The following LAMC3 variants were observed in gnomAD, a reference collection of about 807,000 sequenced individuals.
The protein encoded by LAMC3 is laminin subunit gamma-3.
Under a neutral mutation model 173.8 loss-of-function variants are expected in LAMC3, and 128 were observed. That is an observed-to-expected ratio of 0.74 (90% CI 0.64 to 0.85). LAMC3 has a LOEUF of 0.85. Ranked by LOEUF, LAMC3 falls within the 40% of genes least tolerant of loss-of-function variation. The probability of loss-of-function intolerance (pLI) is 0.00; values close to 1 mark genes in which losing one functional copy is unlikely to be tolerated. For missense variants in LAMC3, 2,022 were observed against 2,156.0 expected, an observed-to-expected ratio of 0.94 and a Z score of 1.23; for synonymous variants, 897 against 909.1, an observed-to-expected ratio of 0.99 and a Z score of 0.24.
At chr9:131,044,427 T>G (rs1241636901) in intron 7 of LAMC3, among the ~76,000 whole-genome samples, 3 of 152,052 alleles carry the variant, frequency 2.0e-5, no homozygotes, top group African/African-American at 7.2e-5. Flanking sequence ...GGACAATTGT[T>G]TGAACCCGGG....
intron 7 of LAMC3, among the ~76,000 whole-genome samples, chr9:131,043,636 T>C (rs1834096316): frequency 1.3e-5 from 2 of 152,114 alleles, no homozygotes; most frequent in Admixed American, 6.6e-5. Context: ...TGTAAATAGA[T>C]GATTGAATAC....
Position 131,049,043 on chromosome 9 carries a change from AG to A in LAMC3, c.1544del (p.Ser515MetfsTer18). 6.4e-7 allele frequency: 1 copy of A among 1,551,330 alleles called. No homozygotes were observed. Among genetic ancestry groups the A allele is most frequent in the Non-Finnish European group, 8.7e-7 (1 of 1,146,796 alleles). Reference protein sequence around the residue: ...HQGAEGWWARSVGGSEHPPQW... With the variant: ...HQGAEGWWARXVGGSEHPPQW... ...AGGAGCCGAAGGCTGGTGGGCCAGAAGTGTGGGGGGCTCTGAGCACCCCCCA... is the reference window on the plus strand; with the variant it reads ...AGGAGCCGAAGGCTGGTGGGCCAGAATGTGGGGGGCTCTGAGCACCCCCCA... On this transcript the variant is annotated frameshift_variant, in exon 9 of 28. Transcript: ENST00000361069. LOFTEE classifies it high-confidence loss of function.
At chr9:131,086,932 C>T (rs932267587) in intron 25 of LAMC3, among the ~76,000 whole-genome samples, 1 of 151,960 alleles carries the variant, frequency 6.6e-6, no homozygotes, top group Admixed American at 6.6e-5. Flanking sequence ...ACTATGTTGC[C>T]CAGGCTGGTC....
chr9:131,037,993 C>A (rs1336390234), intron 4 of LAMC3, among the ~76,000 whole-genome samples: 2 of 152,228 alleles, frequency 1.3e-5, no homozygotes, highest in African/African-American at 2.4e-5. Context: ...TGCCATCACA[C>A]GACATGCCGT....
At chr9:131,024,589 C>T (rs750589493) in intron 1 of LAMC3, among the ~76,000 whole-genome samples, 5 of 152,074 alleles carry the variant, frequency 3.3e-5, no homozygotes, top group Non-Finnish European at 7.4e-5. Flanking sequence ...AATAGAAAGC[C>T]GGCCATGGGG....
chr9:131,047,165 C>CTTTTTTGTTTTTTTTTTTTTTTTTTT (rs1834182853), intron 8 of LAMC3, among the ~76,000 whole-genome samples: 1 of 102,164 alleles, frequency 9.8e-6, no homozygotes, highest in Non-Finnish European at 1.9e-5. Flanking sequence ...CTGAATTCCT[C>CTTTTTTGTTTTTTTTTTTTTTTTTTT]TTTTTTTTTT....
intron 13 of LAMC3, among the ~76,000 whole-genome samples, 191 bp from the exon 14 acceptor site, chr9:131,066,769 C>G (rs980141695): frequency 2.0e-5 from 3 of 152,168 alleles, no homozygotes; most frequent in Admixed American, 1.3e-4. Context: ...AACCTGAGCT[C>G]CTAGAGGCGC....
Position 131,081,912 on chromosome 9 carries a change from A to G in LAMC3, c.3928-147A>G, listed in dbSNP as rs1162707859. 3.1e-5 allele frequency: 21 copies of G among 679,216 alleles called. No individual in the cohort carries two copies. In the East Asian group the frequency reaches 5.5e-4, roughly 18 times the overall value. 42.1% of individuals were successfully genotyped at this position (679,216 alleles called of 1,614,324 possible). On this transcript the variant is annotated intron_variant, in intron 23 of 27. Coordinates refer to ENST00000361069, the MANE Select transcript of LAMC3 (RefSeq NM_006059.4). ...CAACTTTTGTATAATAACACAGATCAGGTGCTCCTGGTGGACAGCGTGACC... is the reference window on the plus strand; with the variant it reads ...CAACTTTTGTATAATAACACAGATCGGGTGCTCCTGGTGGACAGCGTGACC...
In LAMC3 at chr9:131,052,849, G is replaced by A; in HGVS notation, c.1824-1G>A. ...CTCACTTTGACCGCTTCTCTCGCCAGCCTGCAGGAGACCTCCGAGGACGTG... is the reference window on the plus strand; with the variant it reads ...CTCACTTTGACCGCTTCTCTCGCCAACCTGCAGGAGACCTCCGAGGACGTG... On this transcript the variant is annotated splice_acceptor_variant, in intron 10 of 27. Coordinates refer to ENST00000361069, the MANE Select transcript of LAMC3 (RefSeq NM_006059.4). LOFTEE classifies it high-confidence loss of function. 6.2e-7 allele frequency: 1 copy of A among 1,605,994 alleles called. No individual in the cohort carries two copies. Among genetic ancestry groups the A allele is most frequent in the Non-Finnish European group, 8.5e-7 (1 of 1,173,880 alleles).
intron 12 of LAMC3, among the ~76,000 whole-genome samples, chr9:131,059,406 T>C (rs1829761979): frequency 6.9e-6 from 1 of 144,526 alleles, no homozygotes; most frequent in African/African-American, 2.6e-5. Context: ...GCAGGTGAAT[T>C]GTTTGAACCC....
chr9:131,043,073 C>T (rs747708125), intron 7 of LAMC3, among the ~76,000 whole-genome samples: 7 of 150,400 alleles, frequency 4.7e-5, no homozygotes, highest in Non-Finnish European at 1.0e-4. Context: ...CTACTATAAC[C>T]TCAGGATCCT....
intron 21 of LAMC3, among the ~76,000 whole-genome samples, chr9:131,076,923 A>C (rs1830138758): frequency 6.6e-6 from 1 of 152,224 alleles, no homozygotes; most frequent in Non-Finnish European, 1.5e-5. Flanking sequence ...TTGAGTGGAA[A>C]CCAAGCAGAG....
In LAMC3 at chr9:131,091,712, C is replaced by T. The variant is rs182704192; in HGVS notation, c.4653C>T (p.Ala1551=). 1,177 of 1,612,490 alleles carry T rather than the reference C, an allele frequency of 7.3e-4. 12 individuals carry two copies. In the Admixed American group the frequency reaches 0.011, roughly 15 times the overall value. ...LQIQGFESDL[A]EIRADKQNLE... is the part of the protein sequence containing the mutation. ...TCCAGGGCTTCGAGAGTGACCTCGC[C>T]GAGATCCGCGCCGACAAACAGAACC... The change falls in exon 28 of 28, where the codon GCC becomes GCT. Residue 1551 remains alanine, a synonymous_variant. Transcript: ENST00000361069.
In LAMC3 at chr9:131,052,558, C is replaced by CG; in HGVS notation, c.1702dup (p.Asp568GlyfsTer23). The CG allele has an allele frequency of 6.2e-7, 1 of 1,614,058 alleles. No homozygotes were observed. Among genetic ancestry groups the CG allele is most frequent in the Non-Finnish European group, 8.5e-7 (1 of 1,179,924 alleles). On this transcript the variant is annotated frameshift_variant, in exon 10 of 28. Transcript: ENST00000361069. LOFTEE classifies it high-confidence loss of function. ...TCATACTGACCTTCCGGGTGCCCCCCGGGGACTCCCCACTCCCTGTACAGC... is the reference window on the plus strand; with the variant it reads ...TCATACTGACCTTCCGGGTGCCCCCCGGGGGACTCCCCACTCCCTGTACAGC...
chr9:131,085,814 C>G, intron 25 of LAMC3, 91 bp downstream of exon 25: 2 of 1,205,540 alleles, frequency 1.7e-6, no homozygotes, highest in Non-Finnish European at 2.4e-6. Flanking sequence ...GTGCTGACTA[C>G]TCCGCACTCA....
chr9:131,031,151 A>G (rs1275666511), intron 2 of LAMC3, among the ~76,000 whole-genome samples: 1 of 152,250 alleles, frequency 6.6e-6, no homozygotes, highest in Non-Finnish European at 1.5e-5. Context: ...TGGGGCAAAA[A>G]GATGGCCTGC....
intron 7 of LAMC3, among the ~76,000 whole-genome samples, chr9:131,042,829 A>C (rs887249300): frequency 6.7e-6 from 1 of 149,850 alleles, no homozygotes; most frequent in Non-Finnish European, 1.5e-5. Flanking sequence ...AGACATCACT[A>C]ATGGCATACC....
In LAMC3 at chr9:131,045,221, C is replaced by CA. The variant is rs58637956; in HGVS notation, c.1383-288dup. Among the ~76,000 whole-genome samples the CA allele has an allele frequency of 9.1e-3, 1,018 of 111,974 alleles. 42 individuals are homozygous for CA. Among genetic ancestry groups the CA allele is most frequent in the East Asian group, 0.082 (333 of 4,060 alleles). The allele number at this position is 111,974 out of a possible 152,430, so 73.5% of individuals were successfully genotyped here. ...TGGGCCACAGAACAAGACTCTGTCTCAAAAAAAAAAAAAAACAACAACAAC... is the reference window on the plus strand; with the variant it reads ...TGGGCCACAGAACAAGACTCTGTCTCAAAAAAAAAAAAAAAACAACAACAAC... On this transcript the variant is annotated intron_variant, in intron 7 of 27. Transcript: ENST00000361069.
chr9:131,039,765 G>A (rs1398597095), intron 6 of LAMC3, among the ~76,000 whole-genome samples: 5 of 151,950 alleles, frequency 3.3e-5, no homozygotes, highest in Non-Finnish European at 7.4e-5. Flanking sequence ...AGAGGTGGAG[G>A]CTGACCTTCG....
Sources: gnomAD v4.1 joint callset for allele counts (sites outside exome capture counted in the v4.1 genomes callset) on GRCh38, gnomAD v4.1.1 for gene constraint, MANE v1.5 for transcripts, NCBI Gene and HGNC (gene_info 2026-07-23, HGNC 2026-07-21) for gene names.